Variants in HHIP observed in about 807,000 individuals in gnomAD.
HHIP encodes the protein hedgehog-interacting protein.
Under a neutral mutation model 74.0 loss-of-function variants are expected in HHIP, and 12 were observed. The ratio of observed to expected loss-of-function variants is 0.16; its 90% CI spans 0.10 to 0.26. HHIP has a LOEUF of 0.26. Ranked by LOEUF, HHIP falls within the 10% of genes least tolerant of loss-of-function variation. The probability of loss-of-function intolerance (pLI) is 1.00; values close to 1 mark genes in which losing one functional copy is unlikely to be tolerated. For missense variants in HHIP, 788 were observed against 845.0 expected, an observed-to-expected ratio of 0.93 and a Z score of 0.84; for synonymous variants, 309 against 311.6, an observed-to-expected ratio of 0.99 and a Z score of 0.09.
chr4:144,729,145 A>G (rs1018446072), intron 11 of HHIP, among the ~76,000 whole-genome samples: 2 of 152,186 alleles, frequency 1.3e-5, no homozygotes, highest in African/African-American at 4.8e-5. Context: ...ACTTATTCCT[A>G]TTCGTAAAGC....
chr4:144,682,996 G>A (rs1177530569), intron 4 of HHIP, among the ~76,000 whole-genome samples: 5 of 152,194 alleles, frequency 3.3e-5, no homozygotes, highest in African/African-American at 1.2e-4. Context: ...TAAGCAAAGA[G>A]AGAAAGAAAG....
At position 144,738,383 on chromosome 4, in the gene HHIP, G is replaced by C; in HGVS notation, c.*426G>C. 2 of 974,328 alleles carry C rather than the reference G, an allele frequency of 2.1e-6. No homozygotes were observed. Among genetic ancestry groups the C allele is most frequent in the South Asian group, 4.7e-5 (1 of 21,074 alleles). The allele number at this position is 974,328 out of a possible 1,614,324, so 60.4% of individuals were successfully genotyped here. A position where few individuals can be genotyped will look rare whatever the true frequency, so the allele number is the denominator to read the frequency against. On this transcript the variant is annotated 3_prime_UTR_variant, in exon 13 of 13. Transcript: ENST00000296575. Reference sequence around the variant, plus strand: ...TCCGATGGATCTAATTAAAAAAAAGGCAATATTTTTATATTAAAGTACTAT... The same window carrying C: ...TCCGATGGATCTAATTAAAAAAAAGCCAATATTTTTATATTAAAGTACTAT...
At position 144,646,251 on chromosome 4, in the gene HHIP, C is replaced by A; in HGVS notation, c.-425C>A. The A allele has an allele frequency of 6.0e-6, 1 of 166,494 alleles. No individual in the cohort carries two copies. The highest frequency in any genetic ancestry group is 1.6e-4 in the South Asian group (1 of 6,182). The allele number at this position is 166,494 out of a possible 1,614,324, so 10.3% of individuals were successfully genotyped here. On this transcript the variant is annotated 5_prime_UTR_variant, in exon 1 of 13. Transcript: ENST00000296575. Reference sequence around the variant, plus strand: ...GCCCTGCCTCCGCCTGCCCCGCCGCCGCCGTCGCCGTTTCTGTTCCTGCTA... The same window carrying A: ...GCCCTGCCTCCGCCTGCCCCGCCGCAGCCGTCGCCGTTTCTGTTCCTGCTA...
At chr4:144,682,479 A>G (rs1251695176) in intron 4 of HHIP, among the ~76,000 whole-genome samples, 1 of 152,218 alleles carries the variant, frequency 6.6e-6, no homozygotes, top group African/African-American at 2.4e-5. Flanking sequence ...ACTGTAATAT[A>G]TGGGAAATCT....
chr4:144,684,171 G>A (rs1359048765), intron 4 of HHIP, among the ~76,000 whole-genome samples: 2 of 140,732 alleles, frequency 1.4e-5, no homozygotes, highest in African/African-American at 2.7e-5. Flanking sequence ...TCAGGAGTTC[G>A]AGACCATCCT....
At chr4:144,725,895 T>C (rs1472738423) in intron 11 of HHIP, among the ~76,000 whole-genome samples, 1 of 152,178 alleles carries the variant, frequency 6.6e-6, no homozygotes, top group African/African-American at 2.4e-5. Context: ...GGTCTCGAAC[T>C]CCTGGCCTCA....
chr4:144,695,586 C>T (rs749251236), intron 4 of HHIP, among the ~76,000 whole-genome samples: 1 of 151,590 alleles, frequency 6.6e-6, no homozygotes, highest in Non-Finnish European at 1.5e-5. Context: ...GAAGAACACA[C>T]AAATGTCGGG....
chr4:144,724,648 T>TTGTGTG (rs10565498), intron 11 of HHIP, among the ~76,000 whole-genome samples: 1 of 142,464 alleles, frequency 7.0e-6, no homozygotes, highest in Non-Finnish European at 1.5e-5. Flanking sequence ...CAGTCTTCTT[T>TTGTGTG]TGTGTGTGTG....
At chr4:144,680,000 A>T (rs945590700) in intron 4 of HHIP, among the ~76,000 whole-genome samples, 3 of 152,192 alleles carry the variant, frequency 2.0e-5, no homozygotes, top group African/African-American at 7.2e-5. Flanking sequence ...GAAAGATTTT[A>T]AATTAGTCAT....
chr4:144,648,055 C>T (rs899817864), intron 1 of HHIP: 4 of 151,852 alleles, frequency 2.6e-5, no homozygotes, highest in Non-Finnish European at 5.9e-5. Flanking sequence ...TCACTCTATT[C>T]TCATGTAAAC....
chr4:144,664,303 A>C (rs1269200572), intron 4 of HHIP, among the ~76,000 whole-genome samples: 1 of 152,242 alleles, frequency 6.6e-6, no homozygotes, highest in Non-Finnish European at 1.5e-5. Flanking sequence ...CTGTGCCGGA[A>C]GTCACAGCAG....
At position 144,659,693 on chromosome 4, in the gene HHIP, C is replaced by T; in HGVS notation, c.686C>T (p.Pro229Leu). Reference protein sequence around the residue: ...IQEVVSGLRQPVGALHSGDGS... With the variant: ...IQEVVSGLRQLVGALHSGDGS... ...GAGGTTGTGAGTGGGCTGCGGCAGC[C>T]CGTTGGTGCCCTGCATAGTGGGGAT... The change falls in exon 4 of 13, where the codon CCC becomes CTC. Residue 229 changes from proline to leucine, a missense_variant. Pro to Leu is a moderately conservative substitution (Grantham distance 98). Transcript: ENST00000296575. 6.3e-7 allele frequency: 1 copy of T among 1,575,734 alleles called. No individual in the cohort carries two copies. The highest frequency in any genetic ancestry group is 1.9e-5 in the Admixed American group (1 of 51,514).
intron 11 of HHIP, among the ~76,000 whole-genome samples, chr4:144,733,334 A>C (rs776867909): frequency 1.3e-5 from 2 of 152,228 alleles, no homozygotes; most frequent in Non-Finnish European, 2.9e-5. Context: ...GCTACAGAAC[A>C]TAGCACTTTC....
At chr4:144,725,473 A>G (rs978029710) in intron 11 of HHIP, among the ~76,000 whole-genome samples, 9 of 152,182 alleles carry the variant, frequency 5.9e-5, no homozygotes, top group Admixed American at 2.6e-4. Context: ...CATTTAGTGA[A>G]TCTTAAATTT....
chr4:144,742,791 T>G lies in HHIP; in HGVS notation c.*4834T>G, dbSNP rs1008792132. The G allele has an allele frequency of 6.8e-6, 1 of 146,684 alleles. No individual in the cohort carries two copies. The highest frequency in any genetic ancestry group is 2.0e-4 in the East Asian group (1 of 5,096). The allele number at this position is 146,684 out of a possible 1,614,324, so 9.1% of individuals were successfully genotyped here. On this transcript the variant is annotated 3_prime_UTR_variant, in exon 13 of 13. Transcript: ENST00000296575. ...CCTCTTTTTGTCACACAAACATAAA[T>G]TGGTCATATATATATTTATATATAT...
At position 144,738,096 on chromosome 4, in the gene HHIP, G is replaced by A. The variant is rs983059098; in HGVS notation, c.*139G>A. ...TAATTTAAAAATAATTTCCAGAAAT[G>A]TGCAGATCCTCTGTGTGTATGTCAG... On this transcript the variant is annotated 3_prime_UTR_variant, in exon 13 of 13. Coordinates refer to ENST00000296575, the MANE Select transcript of HHIP (RefSeq NM_022475.3). 1 of 1,348,410 alleles carries A rather than the reference G, an allele frequency of 7.4e-7. No individual in the cohort carries two copies. Among genetic ancestry groups the A allele is most frequent in the African/African-American group, 1.5e-5 (1 of 67,616 alleles). 83.5% of individuals were successfully genotyped at this position (1,348,410 alleles called of 1,614,324 possible). A position where few individuals can be genotyped will look rare whatever the true frequency, so the allele number is the denominator to read the frequency against.
intron 4 of HHIP, among the ~76,000 whole-genome samples, chr4:144,702,056 G>A (rs1044715837): frequency 3.9e-5 from 6 of 152,116 alleles, no homozygotes; most frequent in African/African-American, 1.4e-4. Flanking sequence ...CAGAAACCAA[G>A]GCAAGAGGAT....
chr4:144,676,583 A>G (rs1054620029), intron 4 of HHIP, among the ~76,000 whole-genome samples: 4 of 152,226 alleles, frequency 2.6e-5, no homozygotes, highest in Admixed American at 6.5e-5. Context: ...ACACACACTC[A>G]TAATGTGTTC....
At chr4:144,683,123 T>A (rs1432313208) in intron 4 of HHIP, among the ~76,000 whole-genome samples, 1 of 152,226 alleles carries the variant, frequency 6.6e-6, no homozygotes, top group Non-Finnish European at 1.5e-5. Flanking sequence ...GATTTTACGT[T>A]CTTGTCCAGT....
Sources: allele counts gnomAD v4.1 joint callset (sites outside exome capture counted in the v4.1 genomes callset), GRCh38; gene constraint gnomAD v4.1.1; transcripts MANE v1.5; gene names NCBI Gene and HGNC (gene_info 2026-07-23, HGNC 2026-07-21).